CTNNA3: variants seen among roughly 807,000 people sequenced by gnomAD.
The protein encoded by CTNNA3 is catenin alpha-3.
CTNNA3 carries 76 observed loss-of-function variants against 95.7 expected under a neutral mutation model. The observed-to-expected ratio is 0.79, with a 90% CI of 0.66 to 0.96. CTNNA3 has a LOEUF of 0.96. CTNNA3 is among the 40% of genes least tolerant of loss of function. The probability of loss-of-function intolerance (pLI) is 0.00; values close to 1 mark genes in which losing one functional copy is unlikely to be tolerated. For synonymous variants in CTNNA3, 431 were observed against 374.4 expected (o/e 1.15, Z -1.74); for missense variants, 1,191 against 1,089.8 (o/e 1.09, Z -1.31).
chr10:67,337,500 A>C (rs1195909240), intron 5 of CTNNA3, among the ~76,000 whole-genome samples: 3 of 152,232 alleles, frequency 2.0e-5, no homozygotes, highest in Non-Finnish European at 4.4e-5. Flanking sequence ...AGGATTTGGA[A>C]TATTACATAA....
chr10:66,518,526 T>C (rs1308213781), intron 11 of CTNNA3, among the ~76,000 whole-genome samples: 3 of 152,116 alleles, frequency 2.0e-5, no homozygotes, highest in Non-Finnish European at 2.9e-5. Flanking sequence ...GAAGTCTATA[T>C]GAAGGAGATA....
intron 17 of CTNNA3, among the ~76,000 whole-genome samples, chr10:65,936,078 C>T (rs1564525438): frequency 1.3e-5 from 2 of 152,060 alleles, no homozygotes; most frequent in Non-Finnish European, 2.9e-5. Context: ...GTTCAAAATG[C>T]TACCAGGGAA....
chr10:67,267,332 G>C (rs1301827135), intron 5 of CTNNA3, among the ~76,000 whole-genome samples: 2 of 152,116 alleles, frequency 1.3e-5, no homozygotes, highest in African/African-American at 4.8e-5. Flanking sequence ...GTGTGTGTGT[G>C]CATGTAAAAG....
rs1437853366 is a variant in CTNNA3 at position 67,023,093 on chromosome 10, C to T, written c.1047+157224G>A. Among the ~76,000 whole-genome samples the T allele has an allele frequency of 2.0e-5, 3 of 152,210 alleles. No homozygotes were observed. The East Asian group carries it at 5.8e-4, about 29-fold the overall frequency. On this transcript the variant is annotated intron_variant, in intron 7 of 17. Coordinates refer to ENST00000433211, the MANE Select transcript of CTNNA3 (RefSeq NM_013266.4). ...CCCCAGTTGAGCTATGTATCTAATTCAATGCCAATCAAAATCCAGGTAGAC... is the reference window on the plus strand; with the variant it reads ...CCCCAGTTGAGCTATGTATCTAATTTAATGCCAATCAAAATCCAGGTAGAC...
chr10:67,013,634 G>A (rs73326944), intron 7 of CTNNA3, among the ~76,000 whole-genome samples: 2,465 of 152,178 alleles, frequency 0.016, 84 homozygotes, highest in African/African-American at 0.055. Context: ...TGATACAAAA[G>A]TATTAAAAGT....
chr10:67,675,337 T>C (rs1379201480), intron 1 of CTNNA3, among the ~76,000 whole-genome samples: 1 of 152,188 alleles, frequency 6.6e-6, no homozygotes, highest in African/African-American at 2.4e-5. Flanking sequence ...TTATTATTTC[T>C]TGTGGATTTT....
At chr10:66,595,318 T>A (rs1255641343) in intron 10 of CTNNA3, among the ~76,000 whole-genome samples, 1 of 144,102 alleles carries the variant, frequency 6.9e-6, no homozygotes, top group Non-Finnish European at 1.5e-5. Context: ...TCCTTGTTGA[T>A]TGATTGATCT....
chr10:66,076,907 C>A (rs2080573952), intron 14 of CTNNA3, among the ~76,000 whole-genome samples: 1 of 151,632 alleles, frequency 6.6e-6, no homozygotes, highest in African/African-American at 2.4e-5. Flanking sequence ...TAATGAAACC[C>A]TCTCCAATGT....
At chr10:66,648,845 T>A (rs1467630384) in intron 9 of CTNNA3, among the ~76,000 whole-genome samples, 1 of 152,172 alleles carries the variant, frequency 6.6e-6, no homozygotes, top group African/African-American at 2.4e-5. Flanking sequence ...ATACACAGGT[T>A]GGAAATTCAG....
chr10:67,542,844 G>A (rs1473819360), intron 3 of CTNNA3, among the ~76,000 whole-genome samples: 1 of 152,046 alleles, frequency 6.6e-6, no homozygotes, highest in East Asian at 1.9e-4. Flanking sequence ...TTTCTGACAG[G>A]AGAAAATGGT....
chr10:66,767,526 G>C (rs1839918446), intron 8 of CTNNA3, among the ~76,000 whole-genome samples: 1 of 151,014 alleles, frequency 6.6e-6, no homozygotes, highest in Admixed American at 6.6e-5. Context: ...TGGGCCCAAA[G>C]GTTTTTGAGT....
intron 2 of CTNNA3, among the ~76,000 whole-genome samples, chr10:67,623,625 T>A (rs149099016): frequency 6.6e-6 from 1 of 152,066 alleles, no homozygotes; most frequent in Non-Finnish European, 1.5e-5. Flanking sequence ...ATCATTTTCA[T>A]AGGAATTGTG....
chr10:67,169,367 C>T (rs551126831), intron 7 of CTNNA3, among the ~76,000 whole-genome samples: 2 of 152,080 alleles, frequency 1.3e-5, no homozygotes, highest in African/African-American at 2.4e-5. Flanking sequence ...GGAAGCATCA[C>T]GTTACCCAAC....
At chr10:66,762,476 G>A (rs771333183) in intron 9 of CTNNA3, among the ~76,000 whole-genome samples, 5 of 151,844 alleles carry the variant, frequency 3.3e-5, no homozygotes, top group East Asian at 2.0e-4. Flanking sequence ...CCAGTTACTG[G>A]CACTATCCAG....
At chr10:67,580,136 A>G (rs1842330944) in intron 3 of CTNNA3, among the ~76,000 whole-genome samples, 2 of 152,284 alleles carry the variant, frequency 1.3e-5, no homozygotes, top group African/African-American at 4.8e-5. Flanking sequence ...GCCTGTGCCT[A>G]TGTCCTGAAT....
At chr10:66,589,323 T>C (rs749554151) in intron 10 of CTNNA3, among the ~76,000 whole-genome samples, 5 of 152,172 alleles carry the variant, frequency 3.3e-5, no homozygotes, top group Admixed American at 6.5e-5. Context: ...CCTAGCTAGA[T>C]AATGAAATTC....
intron 13 of CTNNA3, among the ~76,000 whole-genome samples, chr10:66,173,460 G>A (rs1324533168): frequency 6.6e-6 from 1 of 152,032 alleles, no homozygotes; most frequent in Non-Finnish European, 1.5e-5. Context: ...AGAGTTAGGA[G>A]GATTGCTTGA....
chr10:66,320,801 G>A (rs1271650485), intron 12 of CTNNA3, among the ~76,000 whole-genome samples: 1 of 152,064 alleles, frequency 6.6e-6, no homozygotes, highest in Non-Finnish European at 1.5e-5. Flanking sequence ...GTTGCCAAAG[G>A]AGAGAATAGA....
At chr10:66,175,378 C>T (rs897320180) in intron 13 of CTNNA3, among the ~76,000 whole-genome samples, 3 of 152,110 alleles carry the variant, frequency 2.0e-5, no homozygotes, top group South Asian at 2.1e-4. Flanking sequence ...GTGCAACTTC[C>T]GTTACTATAA....
Sources: allele counts gnomAD v4.1 joint callset (sites outside exome capture counted in the v4.1 genomes callset), GRCh38; gene constraint gnomAD v4.1.1; transcripts MANE v1.5; gene names NCBI Gene and HGNC (gene_info 2026-07-23, HGNC 2026-07-21).